Variants in GRID2IP observed in about 807,000 individuals in gnomAD.
GRID2IP encodes delphilin.
GRID2IP carries 78 observed loss-of-function variants against 114.3 expected under a neutral mutation model. The observed-to-expected ratio is 0.68, with a 90% CI of 0.57 to 0.82. The LOEUF is 0.82. Among genes scored for constraint, GRID2IP ranks in the 40% least tolerant of loss-of-function variants. The pLI, the probability that GRID2IP is intolerant of heterozygous loss-of-function variation, is 0.00. For missense variants in GRID2IP, 1,727 were observed against 1,678.5 expected, an observed-to-expected ratio of 1.03 and a Z score of -0.51; for synonymous variants, 809 against 724.0, an observed-to-expected ratio of 1.12 and a Z score of -1.89.
chr7:6,518,928 T>G (rs1298354042), intron 7 of GRID2IP, among the ~76,000 whole-genome samples: 8 of 150,012 alleles, frequency 5.3e-5, no homozygotes, highest in South Asian at 4.2e-4. Context: ...TGTTTTTTTG[T>G]TTTTTTTTGA....
intron 8 of GRID2IP, among the ~76,000 whole-genome samples, chr7:6,511,315 C>T (rs940570280): frequency 2.6e-5 from 4 of 152,150 alleles, no homozygotes; most frequent in Non-Finnish European, 4.4e-5. Flanking sequence ...AGAGTCTCAA[C>T]GCCCTGTGCT....
In GRID2IP at chr7:6,551,027, G is replaced by C. The variant is rs1202920081; in HGVS notation, c.410C>G (p.Ala137Gly). ...DAVHRERRRKAQEFSRKVDEI... is the reference protein window; with the variant it reads ...DAVHRERRRKGQEFSRKVDEI... ...CCTTACCTTGCGGCTGAACTCTTGG[G>C]CCTTGCGCCTGCGCTCTCGGTGCAC... The change falls in exon 1 of 22, where the codon GCC becomes GGC. Residue 137 changes from alanine (A) to glycine (G), a missense_variant. By Grantham distance (60) the Ala-to-Gly change is moderately conservative. Coordinates refer to ENST00000457091, the MANE Select transcript of GRID2IP (RefSeq NM_001145118.2). 4 of 1,273,504 alleles carry C rather than the reference G, an allele frequency of 3.1e-6. No individual in the cohort carries two copies. Among genetic ancestry groups the C allele is most frequent in the Non-Finnish European group, 4.0e-6 (4 of 1,012,286 alleles). 78.9% of individuals were successfully genotyped at this position (1,273,504 alleles called of 1,614,324 possible).
At position 6,537,845 on chromosome 7, in the gene GRID2IP, G is replaced by A. The variant is rs114384011; in HGVS notation, c.584+1873C>T. Among the ~76,000 whole-genome samples the A allele has an allele frequency of 6.4e-3, 967 of 152,018 alleles. 13 individuals carry two copies. Among genetic ancestry groups the A allele is most frequent in the African/African-American group, 0.021 (886 of 41,486 alleles). ...AGCCTGGATGACAGAGCGAGACTCC[G>A]ATTCAAAAAAGCTTCGAGCAAAACA... On this transcript the variant is annotated intron_variant, in intron 2 of 21. Transcript: ENST00000457091.
In GRID2IP at chr7:6,497,643, G is replaced by A. The variant is rs1786291558; in HGVS notation, c.*131C>T. On this transcript the variant is annotated 3_prime_UTR_variant, in exon 22 of 22. Coordinates refer to ENST00000457091, the MANE Select transcript of GRID2IP (RefSeq NM_001145118.2). The stretch of plus-strand genomic sequence containing the variant: ...GCCCGACCACAGCTCGGCGGCTGAG[G>A]TAGCTGCAGGAGAGGCTGGCGGTGT... The A allele has an allele frequency of 3.2e-6, 2 of 627,182 alleles. No individual in the cohort carries two copies. Among genetic ancestry groups the A allele is most frequent in the Non-Finnish European group, 5.4e-6 (2 of 372,228 alleles). 38.9% of individuals were successfully genotyped at this position (627,182 alleles called of 1,614,324 possible).
At chr7:6,503,418 C>A (rs1396909552) in intron 16 of GRID2IP, 73 bp downstream of exon 16, 1 of 1,381,700 alleles carries the variant, frequency 7.2e-7, no homozygotes, top group Non-Finnish European at 9.5e-7. Flanking sequence ...CGCGGGACCC[C>A]AGCAGCCCTG....
In GRID2IP at chr7:6,528,443, A is replaced by G. The variant is rs1253751994; in HGVS notation, c.585-1674T>C. ...GCCTGTGGCACAGCTGGCATCAGAGAACAGACTTCAGCGCTCAGCACTGTG... is the reference window on the plus strand; with the variant it reads ...GCCTGTGGCACAGCTGGCATCAGAGGACAGACTTCAGCGCTCAGCACTGTG... On this transcript the variant is annotated intron_variant, in intron 2 of 21. Coordinates refer to ENST00000457091, the MANE Select transcript of GRID2IP (RefSeq NM_001145118.2). The surrounding 1 kb of genome is among the most constrained non-coding windows in gnomAD (Gnocchi z 6.0). 6.6e-6 allele frequency among the ~76,000 whole-genome samples: 1 copy of G among 152,124 alleles called. No individual in the cohort carries two copies. Among genetic ancestry groups the G allele is most frequent in the Non-Finnish European group, 1.5e-5 (1 of 68,008 alleles).
Position 6,503,072 on chromosome 7 carries a change from AG to A in GRID2IP, c.2998del (p.Glu1001AsnfsTer48). 1 of 1,551,522 alleles carries A rather than the reference AG, an allele frequency of 6.4e-7. No homozygotes were observed. Among genetic ancestry groups the A allele is most frequent in the Non-Finnish European group, 8.7e-7 (1 of 1,146,934 alleles). ...QEKTEEIRGSLECLRQASLEL... is the reference protein window; with the variant it reads ...QEKTEEIRGSXECLRQASLEL... Reference sequence around the variant, plus strand: ...CAGGGAGGCCTGGCGCAAGCATTCAAGGCTGCCTCGGATCTCCTCTGTCTTC... The same window carrying A: ...CAGGGAGGCCTGGCGCAAGCATTCAAGCTGCCTCGGATCTCCTCTGTCTTC... On this transcript the variant is annotated frameshift_variant, in exon 17 of 22. Transcript: ENST00000457091. LOFTEE classifies it high-confidence loss of function.
intron 20 of GRID2IP, among the ~76,000 whole-genome samples, chr7:6,499,218 G>C (rs892569412): frequency 2.6e-5 from 4 of 152,168 alleles, no homozygotes; most frequent in African/African-American, 7.2e-5. Flanking sequence ...TGTGGTGCCT[G>C]AGCCACGGTT....
intron 2 of GRID2IP, among the ~76,000 whole-genome samples, chr7:6,533,381 C>CA (rs1779668139): frequency 6.6e-6 from 1 of 152,088 alleles, no homozygotes; most frequent in African/African-American, 2.4e-5. Context: ...TTTTTAGAGA[C>CA]AGAGTCTCAC....
At position 6,526,691 on chromosome 7, in the gene GRID2IP, T is replaced by A. The variant is rs2881723; in HGVS notation, c.663A>T (p.Ala221=). The A allele has an allele frequency of 6.7e-7, 1 of 1,488,432 alleles. No individual in the cohort carries two copies. Among genetic ancestry groups the A allele is most frequent in the Non-Finnish European group, 8.9e-7 (1 of 1,121,358 alleles). 92.2% of individuals were successfully genotyped at this position (1,488,432 alleles called of 1,614,324 possible). ...SQGLLGKLCR[A]RRAQGAQRLR... Reference sequence around the variant, plus strand: ...GTCGCTGCGCGCCCTGGGCCCGGCGTGCGCGGCACAGCTTGCCCAGGAGGC... The same window carrying A: ...GTCGCTGCGCGCCCTGGGCCCGGCGAGCGCGGCACAGCTTGCCCAGGAGGC... The change falls in exon 3 of 22, where the codon GCA becomes GCT. Residue 221 remains alanine (A), a synonymous_variant. Transcript: ENST00000457091. This position sits in a 1 kb window ranked among gnomAD's most constrained non-coding sequence, Gnocchi z 7.6.
chr7:6,550,934 G>C (rs1017947655), intron 1 of GRID2IP, 74 bp downstream of exon 1: 1 of 1,192,130 alleles, frequency 8.4e-7, no homozygotes, highest in Non-Finnish European at 1.0e-6. Flanking sequence ...CTGGGAGAGC[G>C]GCGCCCGGCC....
intron 2 of GRID2IP, among the ~76,000 whole-genome samples, chr7:6,537,723 A>G (rs569336192): frequency 6.6e-6 from 1 of 151,686 alleles, no homozygotes; most frequent in East Asian, 2.0e-4. Flanking sequence ...CAAGCGTGGC[A>G]TCGTGGCACC....
In GRID2IP at chr7:6,510,465, G is replaced by A. The variant is rs1187204659; in HGVS notation, c.1654-65C>T. The stretch of plus-strand genomic sequence containing the variant: ...CCCTCGTAGCCCTAATGTGGTCCAG[G>A]CCTGGGTGGGCCGGGAGGCAGGGAT... On this transcript the variant is annotated intron_variant, in intron 10 of 21. Transcript: ENST00000457091. 1.7e-5 allele frequency: 23 copies of A among 1,369,482 alleles called. No individual in the cohort carries two copies. The East Asian group carries it at 5.5e-4, about 33-fold the overall frequency. The allele number at this position is 1,369,482 out of a possible 1,614,324, so 84.8% of individuals were successfully genotyped here.
In GRID2IP at chr7:6,514,475, C is replaced by A; in HGVS notation, c.1323G>T (p.Lys441Asn). ...GGTAGATGAACTGCCACAGGACCTGCTTGGCAGGGGTGTCCAGCACAGGGT... is the reference window on the plus strand; with the variant it reads ...GGTAGATGAACTGCCACAGGACCTGATTGGCAGGGGTGTCCAGCACAGGGT... ...DVYPVLDTPA[K>N]QVLWQFIYQL... The change falls in exon 8 of 22, where the codon AAG becomes AAT. Residue 441 changes from lysine (K) to asparagine (N), a missense_variant. Lys to Asn is a moderately conservative substitution (Grantham distance 94). Transcript: ENST00000457091. The A allele has an allele frequency of 6.5e-7, 1 of 1,549,332 alleles. No individual in the cohort carries two copies. Among genetic ancestry groups the A allele is most frequent in the South Asian group, 1.2e-5 (1 of 83,914 alleles).
In GRID2IP at chr7:6,508,271, G is replaced by C; in HGVS notation, c.2258C>G (p.Pro753Arg). The C allele has an allele frequency of 1.3e-6, 2 of 1,535,484 alleles. No individual in the cohort carries two copies. The highest frequency in any genetic ancestry group is 8.8e-7 in the Non-Finnish European group (1 of 1,138,490). ...GGGTGGCGGTGGTGGGGGGCTGAGCGGGGGTGGGGGGATGTGGTCAGAGAT... is the reference window on the plus strand; with the variant it reads ...GGGTGGCGGTGGTGGGGGGCTGAGCCGGGGTGGGGGGATGTGGTCAGAGAT... Reference protein sequence around the residue: ...SSISDHIPPPPLSPPPPPPLP... With the variant: ...SSISDHIPPPRLSPPPPPPLP... Residue 753 changes from proline (P) to arginine (R), a missense_variant, in exon 13 of 22, where the codon CCG becomes CGG. Coordinates refer to ENST00000457091, the MANE Select transcript of GRID2IP (RefSeq NM_001145118.2). This position sits in a 1 kb window ranked among gnomAD's most constrained non-coding sequence, Gnocchi z 5.6.
chr7:6,550,504 C>G (rs1000180692), intron 1 of GRID2IP, among the ~76,000 whole-genome samples: 8 of 151,816 alleles, frequency 5.3e-5, no homozygotes, highest in African/African-American at 1.9e-4. Flanking sequence ...AAAAGAAACA[C>G]AAGTGAATAA....
rs1779378984 is a variant in GRID2IP at position 6,519,792 on chromosome 7, C to T, written c.1268+786G>A. ...AAACAAAAATAAAAAACCCTTCAAA[C>T]AAAACAAAAAGGTATGGACAAGTGA... On this transcript the variant is annotated intron_variant, in intron 7 of 21. Coordinates refer to ENST00000457091, the MANE Select transcript of GRID2IP (RefSeq NM_001145118.2). This position sits in a 1 kb window ranked among gnomAD's most constrained non-coding sequence, Gnocchi z 4.1. Among the ~76,000 whole-genome samples, 2 of 152,036 alleles carry T rather than the reference C, an allele frequency of 1.3e-5. No individual in the cohort carries two copies.
In GRID2IP at chr7:6,526,575, G is replaced by C; in HGVS notation, c.779C>G (p.Pro260Arg). Residue 260 changes from proline (P) to arginine (R), a missense_variant, in exon 3 of 22, where the codon CCG (proline) becomes CGG (arginine). Transcript: ENST00000457091. The surrounding 1 kb of genome is among the most constrained non-coding windows in gnomAD (Gnocchi z 7.6). ...GCCCACCAGCAAGGAGGCCCTGCGCGGGGGCGGCTCATCGGGGCGGCGCGG... is the reference window on the plus strand; with the variant it reads ...GCCCACCAGCAAGGAGGCCCTGCGCCGGGGCGGCTCATCGGGGCGGCGCGG... ...APPRRPDEPP[P>R]RRASLLVGGL... 2.5e-6 allele frequency: 3 copies of C among 1,202,450 alleles called. No individual in the cohort carries two copies. Among genetic ancestry groups the C allele is most frequent in the Non-Finnish European group, 3.1e-6 (3 of 969,942 alleles). The allele number at this position is 1,202,450 out of a possible 1,614,324, so 74.5% of individuals were successfully genotyped here. A position where few individuals can be genotyped will look rare whatever the true frequency, so the allele number is the denominator to read the frequency against.
intron 4 of GRID2IP, among the ~76,000 whole-genome samples, chr7:6,522,633 G>A (rs2347782): frequency 0.37 from 55,403 of 151,306 alleles, 11,443 homozygotes; most frequent in Non-Finnish European, 0.47. Context: ...CCATAGGCAC[G>A]CACCACCACT....
Sources: gnomAD v4.1 joint callset for allele counts (sites outside exome capture counted in the v4.1 genomes callset) on GRCh38, gnomAD v4.1.1 for gene constraint, Gnocchi (gnomAD v3.1) non-coding constraint, MANE v1.5 for transcripts, NCBI Gene and HGNC (gene_info 2026-07-23, HGNC 2026-07-21) for gene names.